MON2: variants seen among roughly 807,000 people sequenced by gnomAD.
MON2 encodes protein MON2 homolog.
Under a neutral mutation model 208.6 loss-of-function variants are expected in MON2, and 84 were observed. The ratio of observed to expected loss-of-function variants is 0.40; its 90% CI spans 0.34 to 0.48. The LOEUF is 0.48. Ranked by LOEUF, MON2 falls within the 20% of genes least tolerant of loss-of-function variation. The probability of loss-of-function intolerance (pLI) is 0.59; values close to 1 mark genes in which losing one functional copy is unlikely to be tolerated. For synonymous variants in MON2, 660 were observed against 694.0 expected, an observed-to-expected ratio of 0.95 and a Z score of 0.77; for missense variants, 1,611 against 2,015.4, an observed-to-expected ratio of 0.80 and a Z score of 3.84.
Position 62,535,514 on chromosome 12 carries a change from TTTC to T in MON2, c.1716-8_1716-6del. The T allele has an allele frequency of 3.2e-6, 5 of 1,566,886 alleles. No individual in the cohort carries two copies. Among genetic ancestry groups the T allele is most frequent in the Non-Finnish European group, 4.3e-6 (5 of 1,159,682 alleles). On this transcript the variant is annotated splice_polypyrimidine_tract_variant and splice_region_variant and intron_variant, in intron 13 of 34. Transcript: ENST00000393630. ...AAGTTAATCAGATTAAATAAAATAC[TTTC>T]TTTTCAGCACAGATGAAGCTGCCAC...
At chr12:62,499,387 C>A (rs150350499) in intron 5 of MON2, among the ~76,000 whole-genome samples, 1,721 of 152,026 alleles carry the variant, frequency 0.011, 40 homozygotes, top group African/African-American at 0.039. Flanking sequence ...TATTTCATGG[C>A]CATTCTGTAA....
intron 32 of MON2, among the ~76,000 whole-genome samples, chr12:62,581,559 A>G (rs561868741): frequency 2.6e-5 from 4 of 152,258 alleles, no homozygotes; most frequent in East Asian, 1.9e-4. Context: ...CTCTTGTCTC[A>G]TATATATGTA....
intron 12 of MON2, among the ~76,000 whole-genome samples, chr12:62,533,992 T>A (rs1565655160): frequency 6.6e-6 from 1 of 152,196 alleles, no homozygotes; most frequent in African/African-American, 2.4e-5. Flanking sequence ...TCTCAGTGTA[T>A]GTAATCAGTC....
At chr12:62,538,625 C>A in intron 19 of MON2, 120 bp downstream of exon 19, 1 of 709,974 alleles carries the variant, frequency 1.4e-6, no homozygotes. Context: ...TAACCATACT[C>A]TGTTGGGTTT....
At chr12:62,484,671 T>G (rs2069656770) in intron 2 of MON2, 1 of 152,698 alleles carries the variant, frequency 6.5e-6, no homozygotes, top group African/African-American at 2.4e-5. Flanking sequence ...TGTATTTAGT[T>G]GTACCGTATG....
chr12:62,580,071 G>A (rs1026704312), intron 31 of MON2, among the ~76,000 whole-genome samples: 3 of 152,176 alleles, frequency 2.0e-5, no homozygotes, highest in Middle Eastern at 3.2e-3. Context: ...GGTTGGCATA[G>A]TAAACAGTTA....
intron 31 of MON2, 148 bp downstream of exon 31, chr12:62,578,653 G>T: frequency 1.8e-6 from 1 of 555,872 alleles, no homozygotes; most frequent in Admixed American, 4.0e-5. Flanking sequence ...AAACGTTGAT[G>T]TTTAAAGGAC....
At chr12:62,509,262 C>T (rs956912416) in intron 8 of MON2, 1 of 151,930 alleles carries the variant, frequency 6.6e-6, no homozygotes, top group African/African-American at 2.4e-5. Flanking sequence ...CTACAGGCAC[C>T]CACCGCCACA....
rs375994478 is a variant in MON2, at chr12:62,535,694, A to G, written c.1885A>G (p.Thr629Ala). ...TGTATTGAATACCACCACTGCAGCT[A>G]CACTTTCCAACAAATGTAAGACAGG... is the stretch of plus-strand genomic sequence containing the variant. ...LTVLNTTTAA[T>A]LSNKSYSVQG... The change falls in exon 14 of 35, where the codon ACA becomes GCA. Residue 629 changes from threonine to alanine, a missense_variant. Thr to Ala is a moderately conservative substitution (Grantham distance 58). Coordinates refer to ENST00000393630, the MANE Select transcript of MON2 (RefSeq NM_015026.3). 2.1e-5 allele frequency: 33 copies of G among 1,609,574 alleles called. No individual in the cohort carries two copies. The highest frequency in any genetic ancestry group is 2.7e-5 in the African/African-American group (2 of 74,672).
rs200438950 is a variant in MON2 at position 62,588,107 on chromosome 12, A to G, written c.4941A>G (p.Lys1647=). The G allele has an allele frequency of 2.5e-6, 4 of 1,582,928 alleles. No individual in the cohort carries two copies. Among genetic ancestry groups the G allele is most frequent in the East Asian group, 2.2e-5 (1 of 44,502 alleles). Residue 1647 remains lysine, a synonymous_variant, in exon 34 of 35, where the codon AAA becomes AAG. Transcript: ENST00000393630. ...QQVTEIIFVL[K]AVSTLIDSLK... Reference sequence around the variant, plus strand: ...TAACAGAAATTATATTTGTTTTAAAAGCAGTCAGTACTCTTATTGATTCAC... The same window carrying G: ...TAACAGAAATTATATTTGTTTTAAAGGCAGTCAGTACTCTTATTGATTCAC...
chr12:62,498,886 T>A (rs2070685218), intron 4 of MON2, 33 bp from the exon 5 acceptor site: 2 of 1,559,518 alleles, frequency 1.3e-6, no homozygotes, highest in East Asian at 4.7e-5. Flanking sequence ...CTTTTCAATC[T>A]TATTTCACAC....
At chr12:62,499,076 G>A (rs779121964) in intron 5 of MON2, 28 bp downstream of exon 5, 3 of 1,603,920 alleles carry the variant, frequency 1.9e-6, no homozygotes, top group Admixed American at 1.7e-5. Context: ...GTTTTACTTT[G>A]TGGGTGGTTC....
At position 62,588,996 on chromosome 12, in the gene MON2, A is replaced by G. The variant is rs1285667309; in HGVS notation, c.4990+840A>G. The G allele has an allele frequency of 3.0e-5, 25 of 826,480 alleles. No homozygotes were observed. In the East Asian group the frequency reaches 7.4e-4, roughly 24 times the overall value. 51.2% of individuals were successfully genotyped at this position (826,480 alleles called of 1,614,324 possible). A position where few individuals can be genotyped will look rare whatever the true frequency, so the allele number is the denominator to read the frequency against. On this transcript the variant is annotated intron_variant, in intron 34 of 34. Coordinates refer to ENST00000393630, the MANE Select transcript of MON2 (RefSeq NM_015026.3). The stretch of plus-strand genomic sequence containing the variant: ...GAAGCACTCTATTTGTATTACAATT[A>G]TGCATGTACATGACTCATCTCCCTT...
At chr12:62,514,578 C>A (rs1276454680) in intron 8 of MON2, among the ~76,000 whole-genome samples, 2 of 152,148 alleles carry the variant, frequency 1.3e-5, no homozygotes, top group Non-Finnish European at 2.9e-5. Flanking sequence ...ATCATGATAA[C>A]AGCATGAGAA....
At chr12:62,506,158 T>A (rs1329956652) in intron 7 of MON2, among the ~76,000 whole-genome samples, 1 of 152,232 alleles carries the variant, frequency 6.6e-6, no homozygotes, top group African/African-American at 2.4e-5. Context: ...ACAAAATAAT[T>A]ATTTTTGTAA....
At chr12:62,509,394 C>T (rs1369539747) in intron 8 of MON2, among the ~76,000 whole-genome samples, 7 of 152,104 alleles carry the variant, frequency 4.6e-5, no homozygotes, top group Non-Finnish European at 1.0e-4. Flanking sequence ...GGATTACAGG[C>T]GTCAGCCACC....
At position 62,578,479 on chromosome 12, in the gene MON2, C is replaced by A; in HGVS notation, c.4549C>A (p.Gln1517Lys). 1.3e-6 allele frequency: 2 copies of A among 1,488,366 alleles called. No individual in the cohort carries two copies. The highest frequency in any genetic ancestry group is 1.8e-6 in the Non-Finnish European group (2 of 1,093,632). The allele number at this position is 1,488,366 out of a possible 1,614,324, so 92.2% of individuals were successfully genotyped here. ...AGATAATCTCTCTATTCAAGAGTTT[C>A]AAAGAAATGAAAATATTGATGTCGA... ...PPDNLSIQEF[Q>K]RNENIDVEVV... Residue 1517 changes from glutamine to lysine, a missense_variant, in exon 31 of 35, where the codon CAA becomes AAA. By Grantham distance (53) the Gln-to-Lys change is moderately conservative. Transcript: ENST00000393630.
chr12:62,580,685 A>G (rs2074974129), intron 32 of MON2, among the ~76,000 whole-genome samples: 1 of 152,186 alleles, frequency 6.6e-6, no homozygotes, highest in Admixed American at 6.5e-5. Context: ...AAATTTTTTA[A>G]ATATCATAAC....
At chr12:62,578,565 G>A (rs959700999) in intron 31 of MON2, 60 bp downstream of exon 31, 12 of 1,064,468 alleles carry the variant, frequency 1.1e-5, no homozygotes, top group Non-Finnish European at 1.6e-5. Context: ...TAGTAAAAAT[G>A]TTTGAACTAT....
Sources: allele counts gnomAD v4.1 joint callset (sites outside exome capture counted in the v4.1 genomes callset), GRCh38; gene constraint gnomAD v4.1.1; transcripts MANE v1.5; gene names NCBI Gene and HGNC (gene_info 2026-07-23, HGNC 2026-07-21).